DSCAM: variants seen among roughly 807,000 people sequenced by gnomAD.
The protein encoded by DSCAM is cell adhesion molecule DSCAM.
In DSCAM, 47 loss-of-function variants were observed where a neutral mutation model predicts 217.7. The ratio of observed to expected loss-of-function variants is 0.22; its 90% CI spans 0.17 to 0.28. The LOEUF (loss-of-function observed/expected upper bound fraction) is 0.28. Ranked by LOEUF, DSCAM falls within the 10% of genes least tolerant of loss-of-function variation. DSCAM has a pLI of 1.00. For synonymous variants in DSCAM, 1,056 were observed against 1,015.3 expected, an observed-to-expected ratio of 1.04 and a Z score of -0.76; for missense variants, 2,080 against 2,618.3, an observed-to-expected ratio of 0.79 and a Z score of 4.49.
At chr21:40,437,896 G>A (rs1030659980) in intron 3 of DSCAM, among the ~76,000 whole-genome samples, 1 of 152,216 alleles carries the variant, frequency 6.6e-6, no homozygotes, top group Non-Finnish European at 1.5e-5. Flanking sequence ...CTGGGGCACT[G>A]GCAGTCAGGC....
chr21:40,436,723 T>C (rs181351132), intron 3 of DSCAM, among the ~76,000 whole-genome samples: 1 of 152,222 alleles, frequency 6.6e-6, no homozygotes, highest in East Asian at 1.9e-4. Context: ...AAAAAATGGT[T>C]AAGAATTTCA....
chr21:40,796,042 C>T (rs1220427652), intron 1 of DSCAM, among the ~76,000 whole-genome samples: 1 of 152,222 alleles, frequency 6.6e-6, no homozygotes, highest in Admixed American at 6.5e-5. Flanking sequence ...TCCATTTTAG[C>T]TTATTCAATC....
At chr21:40,525,808 C>T (rs2076395691) in intron 3 of DSCAM, among the ~76,000 whole-genome samples, 1 of 152,210 alleles carries the variant, frequency 6.6e-6, no homozygotes, top group Non-Finnish European at 1.5e-5. Flanking sequence ...CAGTCTCAGC[C>T]AAGAGGGCTC....
At chr21:40,321,000 T>C (rs1423532828) in intron 8 of DSCAM, among the ~76,000 whole-genome samples, 1 of 152,218 alleles carries the variant, frequency 6.6e-6, no homozygotes, top group Non-Finnish European at 1.5e-5. Flanking sequence ...CAAAAGTTAA[T>C]GAGGGTGGAT....
At chr21:40,137,262 T>TGG (rs11300114) in intron 18 of DSCAM, among the ~76,000 whole-genome samples, 11,874 of 132,248 alleles carry the variant, frequency 0.09, 670 homozygotes, top group Middle Eastern at 0.13. Flanking sequence ...GAATTAACAT[T>TGG]GGGGGGGGGG....
chr21:40,477,971 A>T (rs7410243), intron 3 of DSCAM, among the ~76,000 whole-genome samples: 62,456 of 151,886 alleles, frequency 0.41, 13,769 homozygotes, highest in African/African-American at 0.57. Flanking sequence ...AAAAATTACC[A>T]GGACCCCTGA....
At chr21:40,721,834 CAG>C (rs2090903711) in intron 1 of DSCAM, among the ~76,000 whole-genome samples, 2 of 151,944 alleles carry the variant, frequency 1.3e-5, no homozygotes, top group Non-Finnish European at 2.9e-5. Flanking sequence ...AAACACCAAA[CAG>C]AAGCATGTAG....
At chr21:40,438,592 G>T (rs761132630) in intron 3 of DSCAM, among the ~76,000 whole-genome samples, 6 of 152,150 alleles carry the variant, frequency 3.9e-5, no homozygotes, top group African/African-American at 1.2e-4. Flanking sequence ...TTTAGTTGTT[G>T]GACCTATCAT....
At chr21:40,620,077 GAAAA>G (rs1334030434) in intron 3 of DSCAM, among the ~76,000 whole-genome samples, 1 of 42,074 alleles carries the variant, frequency 2.4e-5, no homozygotes, top group Non-Finnish European at 4.8e-5. Flanking sequence ...GAGAGAAAGA[GAAAA>G]AAGAAAGAGA....
intron 3 of DSCAM, among the ~76,000 whole-genome samples, chr21:40,578,864 G>C (rs141577787): frequency 6.6e-6 from 1 of 152,324 alleles, no homozygotes; most frequent in Non-Finnish European, 1.5e-5. Flanking sequence ...AGAGACCATA[G>C]AGTACAGTGC....
intron 19 of DSCAM, 141 bp downstream of exon 19, chr21:40,133,713 A>T: frequency 1.1e-6 from 1 of 922,546 alleles, no homozygotes; most frequent in Non-Finnish European, 1.6e-6. Flanking sequence ...TAATGGTCTG[A>T]ATTGCACTGG....
intron 10 of DSCAM, among the ~76,000 whole-genome samples, chr21:40,288,942 C>T (rs1484751722): frequency 6.6e-6 from 1 of 152,120 alleles, no homozygotes; most frequent in African/African-American, 2.4e-5. Context: ...AACTTATAGC[C>T]CAGTCTCCTA....
At chr21:40,678,343 G>C (rs1479728480) in intron 3 of DSCAM, among the ~76,000 whole-genome samples, 2 of 152,182 alleles carry the variant, frequency 1.3e-5, no homozygotes, top group African/African-American at 2.4e-5. Context: ...ACTGAACACA[G>C]AACTAGTGCA....
At chr21:40,211,826 A>G (rs1303072798) in intron 11 of DSCAM, among the ~76,000 whole-genome samples, 1 of 152,074 alleles carries the variant, frequency 6.6e-6, no homozygotes, top group Non-Finnish European at 1.5e-5. Context: ...CTCCTCCATC[A>G]TTGCCCTCTG....
At chr21:40,147,247 A>AT (rs1182139511) in intron 16 of DSCAM, among the ~76,000 whole-genome samples, 1 of 152,134 alleles carries the variant, frequency 6.6e-6, no homozygotes, top group African/African-American at 2.4e-5. Context: ...TAGAGCCACC[A>AT]ATTTAGCTAA....
chr21:40,354,848 C>CAAAAAAAAAAAA (rs11314417), intron 4 of DSCAM, among the ~76,000 whole-genome samples: 1 of 112,390 alleles, frequency 8.9e-6, no homozygotes, highest in African/African-American at 4.0e-5. Flanking sequence ...AACTCTGTCT[C>CAAAAAAAAAAAA]AAAAAAAAAA....
intron 20 of DSCAM, among the ~76,000 whole-genome samples, chr21:40,104,414 C>T (rs1451853219): frequency 1.3e-5 from 2 of 152,064 alleles, no homozygotes; most frequent in Non-Finnish European, 2.9e-5. Flanking sequence ...TTAAATAGTA[C>T]AATATGTCTG....
At chr21:40,508,734 AATATATATATATATATATATATATATAT>A (rs760072956) in intron 3 of DSCAM, among the ~76,000 whole-genome samples, 1,237 of 45,790 alleles carry the variant, frequency 0.027, 260 homozygotes, top group Non-Finnish European at 0.031. Context: ...ACACCCGGCA[AATATATATATATATATATATATATATAT>A]ATATATATAT....
intron 11 of DSCAM, among the ~76,000 whole-genome samples, chr21:40,212,127 G>A (rs1309864574): frequency 5.9e-5 from 9 of 151,868 alleles, no homozygotes; most frequent in Non-Finnish European, 7.4e-5. Context: ...GCACCACCAC[G>A]CCTGGCTAAT....
Sources: gnomAD v4.1 joint callset for allele counts (sites outside exome capture counted in the v4.1 genomes callset) on GRCh38, gnomAD v4.1.1 for gene constraint, MANE v1.5 for transcripts, NCBI Gene and HGNC (gene_info 2026-07-23, HGNC 2026-07-21) for gene names.